KDM5B: variants seen among roughly 807,000 people sequenced by gnomAD.
KDM5B encodes the protein lysine-specific demethylase 5B.
A neutral mutation model predicts 193.4 loss-of-function variants in KDM5B; 144 were observed. That is an observed-to-expected ratio of 0.74 (90% CI 0.65 to 0.86). The LOEUF is 0.86. Among genes scored for constraint, KDM5B ranks in the 40% least tolerant of loss-of-function variants. The pLI is 0.00. For synonymous variants in KDM5B, 668 were observed against 682.6 expected (o/e 0.98, Z 0.33); for missense variants, 1,833 against 1,886.9 (o/e 0.97, Z 0.53).
intron 16 of KDM5B, among the ~76,000 whole-genome samples, chr1:202,744,558 A>T (rs988898516): frequency 6.6e-6 from 1 of 152,202 alleles, no homozygotes; most frequent in Non-Finnish European, 1.5e-5. Context: ...ACTCCGTCTC[A>T]AAACAAAAAC....
At chr1:202,741,938 T>TC (rs1491574077) in intron 18 of KDM5B, among the ~76,000 whole-genome samples, 2 of 58,104 alleles carry the variant, frequency 3.4e-5, no homozygotes, top group Non-Finnish European at 1.3e-4. Context: ...TCACTTTCTC[T>TC]TTTTTTTTTT....
rs1892164 is a variant in KDM5B, at chr1:202,749,074, G to A, written c.1887C>T (p.His629=). ...AAGCCATCTTGCAGATCATCTCATC[G>A]TGGGAAAACACACAATATCGATGAA... is the stretch of plus-strand genomic sequence containing the variant. ...RLLHRYCVFS[H]DEMICKMASK... Residue 629 remains histidine (H), a synonymous_variant, in exon 14 of 27, where the codon CAC becomes CAT. Transcript: ENST00000367265. 1,146,269 of 1,613,588 alleles carry A rather than the reference G, an allele frequency of 0.71. 415,755 individuals carry two copies. The highest frequency in any genetic ancestry group is 0.78 in the Middle Eastern group (4,704 of 6,062).
intron 1 of KDM5B, among the ~76,000 whole-genome samples, chr1:202,801,760 C>A (rs922408621): frequency 2.0e-5 from 3 of 152,178 alleles, no homozygotes; most frequent in African/African-American, 7.2e-5. Flanking sequence ...AAGTTTCTCA[C>A]AATCTGGATT....
At chr1:202,758,664 GT>G (rs773706155) in intron 8 of KDM5B, among the ~76,000 whole-genome samples, 154 bp from the exon 9 acceptor site, 155 of 152,224 alleles carry the variant, frequency 1.0e-3, no homozygotes, top group Non-Finnish European at 1.6e-3. Flanking sequence ...CCTGAAAAAT[GT>G]GGTTATTTTA....
chr1:202,742,396 G>C lies in KDM5B; in HGVS notation c.2584C>G (p.Leu862Val), dbSNP rs778421151. ...LPCVLSQTPL[L>V]KDLLNRVEDF... ...ACACATCCCTCTATGGTTACCTTTA[G>C]TAATGGTGTCTGACTGAGGACACAT... is the stretch of plus-strand genomic sequence containing the variant. Residue 862 changes from leucine (L) to valine (V), a missense_variant, in exon 18 of 27, where the codon CTA (leucine) becomes GTA (valine). Leu to Val is a conservative substitution (Grantham distance 32). Coordinates refer to ENST00000367265, the MANE Select transcript of KDM5B (RefSeq NM_006618.5). 3.7e-6 allele frequency: 6 copies of C among 1,609,672 alleles called. No individual in the cohort carries two copies. The East Asian group carries it at 1.3e-4, about 36-fold the overall frequency.
chr1:202,767,266 G>C, intron 4 of KDM5B: 1 of 1,605,024 alleles, frequency 6.2e-7, no homozygotes, highest in Non-Finnish European at 8.5e-7. Context: ...TACAAGGAAG[G>C]GTATAGCAAA....
At chr1:202,798,300 C>CTTTT (rs34994129) in intron 1 of KDM5B, among the ~76,000 whole-genome samples, 2 of 131,376 alleles carry the variant, frequency 1.5e-5, no homozygotes, top group Admixed American at 8.0e-5. Context: ...TGGTTTTTGT[C>CTTTT]TTTTTTTTTT....
chr1:202,735,679 A>G (rs1179437898), intron 21 of KDM5B, 92 bp from the exon 22 acceptor site: 4 of 1,188,466 alleles, frequency 3.4e-6, no homozygotes, highest in Non-Finnish European at 4.9e-6. Flanking sequence ...AGCAGTAAAA[A>G]GGATGTGCAT....
intron 9 of KDM5B, among the ~76,000 whole-genome samples, chr1:202,757,271 A>C (rs1421065036): frequency 6.6e-6 from 1 of 152,186 alleles, no homozygotes; most frequent in East Asian, 1.9e-4. Flanking sequence ...CCCTGTTCCT[A>C]ACAGGCCACC....
intron 1 of KDM5B, among the ~76,000 whole-genome samples, chr1:202,789,071 T>A: frequency 6.6e-6 from 1 of 152,060 alleles, no homozygotes; most frequent in Non-Finnish European, 1.5e-5. Flanking sequence ...CCTCATTAGA[T>A]CTGCAAACAC....
At chr1:202,756,547 T>C in intron 9 of KDM5B, 31 bp from the exon 10 acceptor site, 2 of 1,541,018 alleles carry the variant, frequency 1.3e-6, no homozygotes, top group Non-Finnish European at 1.8e-6. Context: ...AAAAATGAGT[T>C]TCCTCACAAA....
intron 6 of KDM5B, 130 bp from the exon 7 acceptor site, chr1:202,762,938 C>T (rs368128786): frequency 1.6e-6 from 1 of 622,734 alleles, no homozygotes; most frequent in Non-Finnish European, 2.9e-6. Context: ...AGCAATAGCA[C>T]CCAGTATACT....
intron 9 of KDM5B, among the ~76,000 whole-genome samples, chr1:202,756,784 A>G (rs1350916468): frequency 3.3e-5 from 5 of 152,258 alleles, no homozygotes; most frequent in Non-Finnish European, 7.3e-5. Flanking sequence ...AAAATGTAAC[A>G]TAAACTGTAT....
At chr1:202,770,663 C>T (rs561687812) in intron 4 of KDM5B, among the ~76,000 whole-genome samples, 3 of 152,170 alleles carry the variant, frequency 2.0e-5, no homozygotes, top group East Asian at 1.9e-4. Flanking sequence ...TTCAATGATA[C>T]AGCAAATGCT....
At chr1:202,749,402 T>G (rs746467456) in intron 13 of KDM5B, among the ~76,000 whole-genome samples, 1 of 151,938 alleles carries the variant, frequency 6.6e-6, no homozygotes, top group Non-Finnish European at 1.5e-5. Flanking sequence ...CAAACAAATA[T>G]AAACATTAGT....
Position 202,758,619 on chromosome 1 carries a change from T to C in KDM5B, c.1078-109A>G, listed in dbSNP as rs1656114871. On this transcript the variant is annotated intron_variant, in intron 8 of 26. Coordinates refer to ENST00000367265, the MANE Select transcript of KDM5B (RefSeq NM_006618.5). ...CAAGGCTTTAATTTGTTTATTTTAC[T>C]TCTATGCTAGGTCTACATTATAAAA... 8.3e-6 allele frequency: 7 copies of C among 846,082 alleles called. No individual in the cohort carries two copies. In the East Asian group the frequency reaches 1.9e-4, roughly 24 times the overall value. 52.4% of individuals were successfully genotyped at this position (846,082 alleles called of 1,614,324 possible).
intron 16 of KDM5B, among the ~76,000 whole-genome samples, chr1:202,743,253 CT>C (rs1655418139): frequency 7.0e-6 from 1 of 142,286 alleles, no homozygotes; most frequent in Non-Finnish European, 1.5e-5. Context: ...AGGAGGATTA[CT>C]TAAACCCAGG....
At chr1:202,806,680 A>AT (rs1658305958) in intron 1 of KDM5B, 1 of 152,118 alleles carries the variant, frequency 6.6e-6, no homozygotes, top group African/African-American at 2.4e-5. Context: ...AAGAAGCCTT[A>AT]TTTTCAGGGA....
chr1:202,760,333 T>A (rs1056350558), intron 8 of KDM5B, 82 bp downstream of exon 8: 1 of 960,806 alleles, frequency 1.0e-6, no homozygotes, highest in African/African-American at 1.7e-5. Flanking sequence ...TAAAATAAAA[T>A]AAAATAAAAA....
Sources: allele counts gnomAD v4.1 joint callset (sites outside exome capture counted in the v4.1 genomes callset), GRCh38; gene constraint gnomAD v4.1.1; transcripts MANE v1.5; gene names NCBI Gene and HGNC (gene_info 2026-07-23, HGNC 2026-07-21).